The following FER variants were observed in gnomAD, a reference collection of about 807,000 sequenced individuals.
FER encodes the protein FER tyrosine kinase, also known as tyrosine-protein kinase Fer.
FER carries 63 observed loss-of-function variants against 111.0 expected under a neutral mutation model. The observed-to-expected ratio is 0.57, with a 90% confidence interval of 0.46 to 0.70. The LOEUF is 0.70. Ranked by LOEUF, FER falls within the 30% of genes least tolerant of loss-of-function variation. The pLI is 0.00. For synonymous variants in FER, 327 were observed against 313.9 expected (o/e 1.04, Z -0.44); for missense variants, 914 against 954.0 (o/e 0.96, Z 0.55).
intron 10 of FER, among the ~76,000 whole-genome samples, chr5:108,906,099 C>T (rs1220578708): frequency 2.6e-5 from 4 of 152,120 alleles, no homozygotes; most frequent in Non-Finnish European, 4.4e-5. Flanking sequence ...GTCCCCATTT[C>T]CCAGTGTGTA....
intron 10 of FER, among the ~76,000 whole-genome samples, chr5:108,944,787 G>T (rs1417819538): frequency 1.3e-5 from 2 of 151,056 alleles, no homozygotes; most frequent in African/African-American, 2.4e-5. Flanking sequence ...GAAACTTAAG[G>T]TCTCATTATT....
At chr5:108,896,618 T>C (rs926008016) in intron 9 of FER, among the ~76,000 whole-genome samples, 4 of 152,188 alleles carry the variant, frequency 2.6e-5, no homozygotes, top group African/African-American at 9.6e-5. Flanking sequence ...CAGCTTTCTT[T>C]ATAGCAGTCA....
chr5:109,039,277 C>A (rs190819116), intron 14 of FER, among the ~76,000 whole-genome samples: 6 of 151,904 alleles, frequency 3.9e-5, no homozygotes, highest in Admixed American at 1.3e-4. Context: ...GTATCAGATG[C>A]AGCTATAGTC....
At chr5:108,883,226 C>T (rs1000116135) in intron 8 of FER, among the ~76,000 whole-genome samples, 170 bp from the exon 9 acceptor site, 3 of 151,938 alleles carry the variant, frequency 2.0e-5, no homozygotes, top group African/African-American at 7.2e-5. Context: ...TGTTTAGCAC[C>T]TGAAATGTGT....
intron 16 of FER, among the ~76,000 whole-genome samples, chr5:109,062,502 G>C (rs72792507): frequency 0.14 from 21,807 of 151,890 alleles, 1,862 homozygotes; most frequent in South Asian, 0.21. Flanking sequence ...CTTCAGTCTG[G>C]GTGACAGAGT....
chr5:109,180,324 T>C (rs1201716769), intron 17 of FER, among the ~76,000 whole-genome samples: 1 of 152,154 alleles, frequency 6.6e-6, no homozygotes, highest in African/African-American at 2.4e-5. Context: ...TAAAAGTATA[T>C]AAAATGAAAA....
At chr5:108,872,326 G>A (rs1764679742) in intron 8 of FER, 114 bp downstream of exon 8, 1 of 987,484 alleles carries the variant, frequency 1.0e-6, no homozygotes. Flanking sequence ...TAAATTTTTG[G>A]GGTCAGAGTG....
intron 1 of FER, among the ~76,000 whole-genome samples, chr5:108,755,482 G>T (rs1750985479): frequency 6.6e-6 from 1 of 151,904 alleles, no homozygotes; most frequent in Admixed American, 6.6e-5. Context: ...AGTGTTCAGG[G>T]TTTTTTTGTT....
chr5:108,999,706 T>C (rs1282654972), intron 13 of FER, among the ~76,000 whole-genome samples: 2 of 61,722 alleles, frequency 3.2e-5, no homozygotes, highest in Admixed American at 4.0e-4. Flanking sequence ...CCATTCTTAC[T>C]ATTTTTTTTT....
chr5:109,170,084 T>G (rs1280923081), intron 17 of FER, among the ~76,000 whole-genome samples: 2 of 152,202 alleles, frequency 1.3e-5, no homozygotes, highest in Non-Finnish European at 2.9e-5. Flanking sequence ...AGTTGCTCTG[T>G]ATCTTTATGT....
At chr5:108,998,688 G>A (rs1235396280) in intron 13 of FER, among the ~76,000 whole-genome samples, 2 of 152,026 alleles carry the variant, frequency 1.3e-5, no homozygotes, top group African/African-American at 2.4e-5. Flanking sequence ...TTTTATCGAA[G>A]GCCTTTTCTG....
At chr5:109,172,366 C>T (rs1021382183) in intron 17 of FER, among the ~76,000 whole-genome samples, 1 of 151,126 alleles carries the variant, frequency 6.6e-6, no homozygotes, top group Non-Finnish European at 1.5e-5. Context: ...TCATCATTGT[C>T]AGTAAACTAT....
At chr5:109,044,398 G>T (rs1771643564) in intron 14 of FER, among the ~76,000 whole-genome samples, 1 of 151,954 alleles carries the variant, frequency 6.6e-6, no homozygotes, top group Non-Finnish European at 1.5e-5. Context: ...AGCAAGGATG[G>T]TCTCGATCTC....
intron 17 of FER, among the ~76,000 whole-genome samples, chr5:109,143,626 T>A (rs1245909258): frequency 6.6e-6 from 1 of 152,036 alleles, no homozygotes; most frequent in Admixed American, 6.6e-5. Flanking sequence ...CCTCTATTTT[T>A]TCTAAAAACA....
At chr5:109,069,411 G>GGACAAGAGATCTGAC (rs1775510273) in intron 16 of FER, among the ~76,000 whole-genome samples, 1 of 152,154 alleles carries the variant, frequency 6.6e-6, no homozygotes, top group Non-Finnish European at 1.5e-5. Flanking sequence ...GATCTTTAGA[G>GGACAAGAGATCTGAC]AGTTTAAAAA....
chr5:109,178,504 G>T (rs1362458539), intron 17 of FER, among the ~76,000 whole-genome samples: 1 of 152,170 alleles, frequency 6.6e-6, no homozygotes. Flanking sequence ...CTAAAGTGTT[G>T]CAGTGACTGA....
intron 5 of FER, among the ~76,000 whole-genome samples, chr5:108,862,041 G>T (rs1580925351): frequency 6.6e-6 from 1 of 152,168 alleles, no homozygotes; most frequent in South Asian, 2.1e-4. Context: ...AGAAGTGTAT[G>T]TGAGCTGTGG....
chr5:109,046,031 G>T (rs1040980708), intron 15 of FER, among the ~76,000 whole-genome samples: 1 of 152,128 alleles, frequency 6.6e-6, no homozygotes, highest in East Asian at 1.9e-4. Flanking sequence ...TTATTACTGT[G>T]TTGAGGTTTT....
intron 17 of FER, among the ~76,000 whole-genome samples, chr5:109,102,518 C>T (rs1208625668): frequency 5.9e-5 from 9 of 152,246 alleles, no homozygotes; most frequent in East Asian, 1.9e-4. Context: ...TTAACACACA[C>T]GCCCCAAATT....
Sources: allele counts gnomAD v4.1 joint callset (sites outside exome capture counted in the v4.1 genomes callset), GRCh38; gene constraint gnomAD v4.1.1; transcripts MANE v1.5; gene names NCBI Gene and HGNC (gene_info 2026-07-23, HGNC 2026-07-21).